The following GABRB1 variants were observed in gnomAD, a reference collection of about 807,000 sequenced individuals.
GABRB1 encodes gamma-aminobutyric acid type A receptor subunit beta1.
GABRB1 carries 17 observed loss-of-function variants against 51.6 expected under a neutral mutation model. The observed-to-expected ratio is 0.33, with a 90% confidence interval of 0.23 to 0.49. GABRB1 has a LOEUF of 0.49. GABRB1 is among the 20% of genes least tolerant of loss of function. The pLI is 0.99. For missense variants in GABRB1, 410 were observed against 600.6 expected (o/e 0.68, Z 3.32); for synonymous variants, 247 against 218.9 (o/e 1.13, Z -1.14).
chr4:47,008,577 C>T (rs1316719655), intron 1 of GABRB1, among the ~76,000 whole-genome samples: 1 of 150,884 alleles, frequency 6.6e-6, no homozygotes, highest in Non-Finnish European at 1.5e-5. Flanking sequence ...ATTCTCCTGC[C>T]TCAGCCTCCC....
chr4:47,052,060 G>A (rs959225121), intron 3 of GABRB1, among the ~76,000 whole-genome samples: 5 of 152,120 alleles, frequency 3.3e-5, no homozygotes, highest in African/African-American at 9.7e-5. Context: ...AACCCAGGAG[G>A]TAGAGGTTGC....
At chr4:47,204,997 G>C (rs957188523) in intron 4 of GABRB1, among the ~76,000 whole-genome samples, 1 of 152,036 alleles carries the variant, frequency 6.6e-6, no homozygotes, top group Non-Finnish European at 1.5e-5. Context: ...CTACCTGTTG[G>C]GGCTTCAGAG....
chr4:47,014,958 G>A (rs915098256), intron 1 of GABRB1, among the ~76,000 whole-genome samples: 4 of 152,146 alleles, frequency 2.6e-5, no homozygotes, highest in Admixed American at 1.3e-4. Flanking sequence ...GCAGACTGGA[G>A]TGCAATGGCA....
intron 4 of GABRB1, among the ~76,000 whole-genome samples, chr4:47,237,895 G>A (rs1018306448): frequency 2.6e-5 from 4 of 151,902 alleles, no homozygotes; most frequent in Admixed American, 6.6e-5. Flanking sequence ...TTCTTTTTAT[G>A]AGCATTTCAG....
chr4:47,352,723 C>T (rs895637046), intron 5 of GABRB1, among the ~76,000 whole-genome samples: 14 of 152,072 alleles, frequency 9.2e-5, no homozygotes, highest in African/African-American at 2.9e-4. Flanking sequence ...TACCTATTGC[C>T]TGATTGGCAT....
rs571005595 is a variant in GABRB1 at position 47,283,427 on chromosome 4, C to T, written c.462-36700C>T. 4.6e-5 allele frequency among the ~76,000 whole-genome samples: 5 copies of T among 109,564 alleles called. No homozygotes were observed. In the East Asian group the frequency reaches 1.3e-3, roughly 28 times the overall value. 71.9% of individuals were successfully genotyped at this position (109,564 alleles called of 152,430 possible). The stretch of plus-strand genomic sequence containing the variant: ...TTGAGACAGAGTCTCAGTCTGTCAC[C>T]GAAGCTGGAATGCAGCCACACGATC... On this transcript the variant is annotated intron_variant, in intron 4 of 8. Transcript: ENST00000295454.
intron 1 of GABRB1, among the ~76,000 whole-genome samples, chr4:47,010,533 G>A (rs1724553828): frequency 6.6e-6 from 1 of 152,200 alleles, no homozygotes; most frequent in South Asian, 2.1e-4. Context: ...AATATTGTAA[G>A]CAATGCAGAG....
chr4:47,382,289 A>G (rs1271090172), intron 5 of GABRB1, among the ~76,000 whole-genome samples: 1 of 152,150 alleles, frequency 6.6e-6, no homozygotes, highest in East Asian at 1.9e-4. Flanking sequence ...GAAGTTTAGC[A>G]GCATCCCAGG....
chr4:47,368,733 AT>A (rs1727080195), intron 5 of GABRB1, among the ~76,000 whole-genome samples: 1 of 152,068 alleles, frequency 6.6e-6, no homozygotes, highest in Non-Finnish European at 1.5e-5. Flanking sequence ...ATGAATGTTA[AT>A]AGTCTCAGCA....
At chr4:47,080,454 G>A (rs1457795411) in intron 3 of GABRB1, among the ~76,000 whole-genome samples, 1 of 152,150 alleles carries the variant, frequency 6.6e-6, no homozygotes, top group Admixed American at 6.6e-5. Flanking sequence ...TGAGAGCAAA[G>A]AGTAATTATG....
chr4:47,403,297 T>C (rs1055480974), intron 5 of GABRB1, 21 bp from the exon 6 acceptor site: 2 of 1,612,236 alleles, frequency 1.2e-6, no homozygotes, highest in Non-Finnish European at 1.7e-6. Flanking sequence ...TGTTTAACCG[T>C]GCTGTTTTTA....
Position 47,266,941 on chromosome 4 carries a change from T to C in GABRB1, c.462-53186T>C, listed in dbSNP as rs571916556. 1.1e-3 allele frequency among the ~76,000 whole-genome samples: 175 copies of C among 152,208 alleles called. 1 individual carries two copies. The highest frequency in any genetic ancestry group is 3.4e-3 in the African/African-American group (143 of 41,538). On this transcript the variant is annotated intron_variant, in intron 4 of 8. Coordinates refer to ENST00000295454, the MANE Select transcript of GABRB1 (RefSeq NM_000812.4). Reference sequence around the variant, plus strand: ...CTTTTCACAGGTCTAGTAGTGTTTATTTTATGAATCTAGTTGCTCTGGTGG... The same window carrying C: ...CTTTTCACAGGTCTAGTAGTGTTTACTTTATGAATCTAGTTGCTCTGGTGG...
chr4:47,184,047 T>C (rs540692935), intron 4 of GABRB1, among the ~76,000 whole-genome samples: 7 of 152,058 alleles, frequency 4.6e-5, no homozygotes, highest in South Asian at 2.1e-4. Context: ...AATGTCATGA[T>C]TGGCTATTAT....
intron 3 of GABRB1, among the ~76,000 whole-genome samples, chr4:47,145,776 C>T (rs1717142724): frequency 6.6e-6 from 1 of 151,954 alleles, no homozygotes; most frequent in Non-Finnish European, 1.5e-5. Flanking sequence ...GGACTGGCTC[C>T]GACAGGATGA....
intron 5 of GABRB1, among the ~76,000 whole-genome samples, chr4:47,344,573 A>G (rs896841153): frequency 2.0e-5 from 3 of 152,178 alleles, no homozygotes; most frequent in South Asian, 4.1e-4. Flanking sequence ...ATGACCACCT[A>G]TTGCATTCAG....
chr4:47,326,836 C>G (rs911461628), intron 5 of GABRB1, among the ~76,000 whole-genome samples: 3 of 152,156 alleles, frequency 2.0e-5, no homozygotes, highest in Non-Finnish European at 2.9e-5. Context: ...GGCATTTTGT[C>G]ATAGCAATCC....
chr4:47,167,027 G>C (rs1718220860), intron 4 of GABRB1, among the ~76,000 whole-genome samples: 1 of 152,096 alleles, frequency 6.6e-6, no homozygotes, highest in Non-Finnish European at 1.5e-5. Context: ...CTGATGTACA[G>C]GATTGTGTAT....
rs542247232 is a variant in GABRB1, at chr4:47,306,538, ACCACCTTCATC to A, written c.462-13585_462-13575del. Among the ~76,000 whole-genome samples, 28 of 152,000 alleles carry A rather than the reference ACCACCTTCATC, an allele frequency of 1.8e-4. No individual in the cohort carries two copies. In the East Asian group the frequency reaches 5.2e-3, roughly 28 times the overall value. Reference sequence around the variant, plus strand: ...AGGAGGAATTATAGATTAATCCAATACCACCTTCATCCCATCCTCTTTTTTCCTTCCCCTAC... The same window carrying A: ...AGGAGGAATTATAGATTAATCCAATACCATCCTCTTTTTTCCTTCCCCTAC... On this transcript the variant is annotated intron_variant, in intron 4 of 8. Transcript: ENST00000295454.
intron 7 of GABRB1, among the ~76,000 whole-genome samples, chr4:47,404,176 C>G (rs1173822075): frequency 6.6e-6 from 1 of 152,094 alleles, no homozygotes; most frequent in Non-Finnish European, 1.5e-5. Flanking sequence ...CGTATCAAGC[C>G]ACGTCTCCTT....
Sources: gnomAD v4.1 joint callset for allele counts (sites outside exome capture counted in the v4.1 genomes callset) on GRCh38, gnomAD v4.1.1 for gene constraint, MANE v1.5 for transcripts, NCBI Gene and HGNC (gene_info 2026-07-23, HGNC 2026-07-21) for gene names.